The following ENTREP2 variants were observed in gnomAD, a reference collection of about 807,000 sequenced individuals.
ENTREP2 encodes protein ENTREP2.
At chr15:29,442,448 T>C in the ENTREP2 span, among the ~76,000 whole-genome samples, 1 of 152,198 alleles carries the variant, frequency 6.6e-6, no homozygotes, top group Non-Finnish European at 1.5e-5. Context: ...CTGATTCTAA[T>C]TTTTATTCTT....
chr15:29,572,080 G>A, the ENTREP2 span, among the ~76,000 whole-genome samples: 11 of 152,178 alleles, frequency 7.2e-5, no homozygotes. Flanking sequence ...TTCCTTTGGG[G>A]CTTGACGATC....
At chr15:29,497,318 T>C in the ENTREP2 span, among the ~76,000 whole-genome samples, 2,061 of 152,312 alleles carry the variant, frequency 0.014, 41 homozygotes, top group African/African-American at 0.047. Context: ...CAATTTTTTT[T>C]GGAAGCGTTT....
chr15:29,370,922 T>TA, the ENTREP2 span, among the ~76,000 whole-genome samples: 175 of 149,240 alleles, frequency 1.2e-3, 1 homozygote, highest in African/African-American at 3.5e-3. Flanking sequence ...AGAACAGATT[T>TA]AAAAAAAAAA....
the ENTREP2 span, among the ~76,000 whole-genome samples, chr15:29,664,910 T>G: frequency 1.3e-5 from 2 of 152,228 alleles, no homozygotes; most frequent in African/African-American, 4.8e-5. Flanking sequence ...CCAGCAATCC[T>G]GGTGTGTCCC....
the ENTREP2 span, among the ~76,000 whole-genome samples, chr15:29,657,325 G>A: frequency 6.6e-6 from 1 of 151,336 alleles, no homozygotes; most frequent in African/African-American, 2.4e-5. Context: ...CTCCCAAAGC[G>A]CCCACCAGTG....
At chr15:29,219,079 C>T in the ENTREP2 span, among the ~76,000 whole-genome samples, 2 of 151,448 alleles carry the variant, frequency 1.3e-5, no homozygotes, top group Non-Finnish European at 2.9e-5. Context: ...AACTAATTTC[C>T]AGAATCTACA....
chr15:29,156,701 G>C, the ENTREP2 span, among the ~76,000 whole-genome samples: 1 of 152,162 alleles, frequency 6.6e-6, no homozygotes, highest in Non-Finnish European at 1.5e-5. Context: ...AAAGGGCGTG[G>C]CTGTTTACTG....
At chr15:29,461,921 G>A in the ENTREP2 span, among the ~76,000 whole-genome samples, 11 of 151,738 alleles carry the variant, frequency 7.2e-5, 1 homozygote, top group African/African-American at 2.4e-4. Flanking sequence ...CCCTAGCCCC[G>A]TCCCTGGCAA....
the ENTREP2 span, among the ~76,000 whole-genome samples, chr15:29,224,264 A>G: frequency 3.1e-3 from 467 of 152,122 alleles, 4 homozygotes; most frequent in Admixed American, 5.5e-3. Context: ...TGGCTTCAGG[A>G]GTGAAGCTGC....
At chr15:29,559,353 T>C in the ENTREP2 span, among the ~76,000 whole-genome samples, 1 of 152,066 alleles carries the variant, frequency 6.6e-6, no homozygotes, top group African/African-American at 2.4e-5. Flanking sequence ...CCTGGATTTC[T>C]GACTAATCAT....
chr15:29,129,760 G>A, the ENTREP2 span, among the ~76,000 whole-genome samples: 1 of 152,174 alleles, frequency 6.6e-6, no homozygotes, highest in Non-Finnish European at 1.5e-5. Flanking sequence ...CCCATTCTGC[G>A]TGGGCCATGG....
chr15:29,210,599 G>A, the ENTREP2 span, among the ~76,000 whole-genome samples: 2 of 152,142 alleles, frequency 1.3e-5, no homozygotes, highest in Non-Finnish European at 2.9e-5. Context: ...GATCTGAGGT[G>A]GAACAGTTTC....
At chr15:29,144,094 A>G in the ENTREP2 span, among the ~76,000 whole-genome samples, 739 of 152,312 alleles carry the variant, frequency 4.9e-3, 6 homozygotes, top group African/African-American at 0.017. Flanking sequence ...ACAGGGTAAG[A>G]AGAAAGTCAT....
chr15:29,491,970 C>T, the ENTREP2 span, among the ~76,000 whole-genome samples: 1 of 152,162 alleles, frequency 6.6e-6, no homozygotes, highest in Non-Finnish European at 1.5e-5. Context: ...CTCAAACACT[C>T]AGGATGTCAA....
At chr15:29,158,976 G>T in the ENTREP2 span, among the ~76,000 whole-genome samples, 1 of 152,202 alleles carries the variant, frequency 6.6e-6, no homozygotes. Flanking sequence ...AAAAGCGACA[G>T]CAATGACAAT....
the ENTREP2 span, among the ~76,000 whole-genome samples, chr15:29,388,166 A>C: frequency 6.0e-4 from 91 of 152,246 alleles, no homozygotes; most frequent in African/African-American, 1.9e-3. Context: ...AGAAACTACC[A>C]TCAGAGTGAA....
At chr15:29,122,215 G>C in the ENTREP2 span, 1 of 151,756 alleles carries the variant, frequency 6.6e-6, no homozygotes, top group Non-Finnish European at 1.5e-5. Flanking sequence ...GTTGGGAGCA[G>C]CTGCCACTGA....
At chr15:29,530,702 C>T in the ENTREP2 span, among the ~76,000 whole-genome samples, 1 of 152,206 alleles carries the variant, frequency 6.6e-6, no homozygotes, top group Non-Finnish European at 1.5e-5. Context: ...GTCAACATGC[C>T]TAAGCACAGA....
the ENTREP2 span, among the ~76,000 whole-genome samples, chr15:29,298,619 G>T: frequency 6.6e-6 from 1 of 152,064 alleles, no homozygotes; most frequent in East Asian, 1.9e-4. Flanking sequence ...AGATAAAATG[G>T]AGGATTGCTT....
Sources: gnomAD v4.1 joint callset for allele counts (sites outside exome capture counted in the v4.1 genomes callset) on GRCh38, gnomAD v4.1.1 for gene constraint, MANE v1.5 for transcripts, NCBI Gene and HGNC (gene_info 2026-07-23, HGNC 2026-07-21) for gene names.